The following COMMD10 variants were observed in gnomAD, a reference collection of about 807,000 sequenced individuals.
COMMD10 encodes COMM domain containing 10, also known as COMM domain-containing protein 10.
In COMMD10, 33 loss-of-function variants were observed where a neutral mutation model predicts 28.9. The observed-to-expected ratio is 1.14, with a 90% CI of 0.87 to 1.53. COMMD10 has a LOEUF of 1.53. Ranked by LOEUF, COMMD10 falls within the 40% of genes most tolerant of loss-of-function variation. The pLI is 0.00. For missense variants in COMMD10, 310 were observed against 233.4 expected, an observed-to-expected ratio of 1.33 and a Z score of -2.14; for synonymous variants, 110 against 81.7, an observed-to-expected ratio of 1.35 and a Z score of -1.87.
intron 5 of COMMD10, among the ~76,000 whole-genome samples, chr5:116,261,017 T>C (rs1750428338): frequency 6.6e-6 from 1 of 151,800 alleles, no homozygotes; most frequent in South Asian, 2.1e-4. Flanking sequence ...AATTTGATTT[T>C]ATTTTTCTCT....
intron 5 of COMMD10, among the ~76,000 whole-genome samples, chr5:116,168,778 C>A (rs940051897): frequency 6.6e-6 from 1 of 152,080 alleles, no homozygotes; most frequent in African/African-American, 2.4e-5. Context: ...TCTTTGAAAC[C>A]AATGAGAACA....
At chr5:116,085,895 G>C (rs1326411828) in intron 1 of COMMD10, among the ~76,000 whole-genome samples, 1 of 152,194 alleles carries the variant, frequency 6.6e-6, no homozygotes, top group Non-Finnish European at 1.5e-5. Context: ...CCTTCTTTCT[G>C]GATTCCTTTT....
intron 5 of COMMD10, among the ~76,000 whole-genome samples, chr5:116,157,639 T>C (rs895382753): frequency 3.9e-5 from 6 of 152,178 alleles, no homozygotes; most frequent in African/African-American, 1.4e-4. Flanking sequence ...ATTTAAGGAA[T>C]AGGGAAGTAG....
chr5:116,231,618 G>A (rs987436338), intron 5 of COMMD10, among the ~76,000 whole-genome samples: 8 of 152,052 alleles, frequency 5.3e-5, no homozygotes, highest in African/African-American at 1.9e-4. Flanking sequence ...TAAACAATGG[G>A]CAAAATTTTC....
intron 1 of COMMD10, 98 bp from the exon 2 acceptor site, chr5:116,087,399 A>T: frequency 1.3e-6 from 1 of 754,990 alleles, no homozygotes; most frequent in Non-Finnish European, 2.4e-6. Context: ...ACCATATAGC[A>T]TTCAGAGTTG....
intron 4 of COMMD10, among the ~76,000 whole-genome samples, chr5:116,115,697 C>T (rs1313347318): frequency 2.0e-5 from 3 of 152,086 alleles, no homozygotes; most frequent in Non-Finnish European, 4.4e-5. Context: ...CTATTTGGAG[C>T]TCTTTTACGT....
At chr5:116,216,443 C>A (rs941836788) in intron 5 of COMMD10, among the ~76,000 whole-genome samples, 1 of 152,180 alleles carries the variant, frequency 6.6e-6, no homozygotes, top group African/African-American at 2.4e-5. Context: ...TGTTTTTGTA[C>A]AAGTCCCATA....
chr5:116,118,635 T>A (rs1017390618), intron 4 of COMMD10, among the ~76,000 whole-genome samples: 1 of 152,190 alleles, frequency 6.6e-6, no homozygotes, highest in African/African-American at 2.4e-5. Context: ...GGTTCATTTA[T>A]TTTATGGCTC....
Position 116,093,351 on chromosome 5 carries a change from C to T in COMMD10, c.399+651C>T, listed in dbSNP as rs111532290. 7.9e-3 allele frequency among the ~76,000 whole-genome samples: 1,198 copies of T among 152,158 alleles called. 2 individuals carry two copies. Among genetic ancestry groups the T allele is most frequent in the Non-Finnish European group, 0.013 (883 of 68,002 alleles). On this transcript the variant is annotated intron_variant, in intron 4 of 6. Coordinates refer to ENST00000274458, the MANE Select transcript of COMMD10 (RefSeq NM_016144.4). ...TGCTAGAGTTCAGTAGAGAAGTGAC[C>T]GGAAACACCTGAGGAGAGGGAGGAG... is the stretch of plus-strand genomic sequence containing the variant.
intron 5 of COMMD10, among the ~76,000 whole-genome samples, chr5:116,157,745 A>T (rs1245035340): frequency 6.6e-6 from 1 of 152,198 alleles, no homozygotes; most frequent in Non-Finnish European, 1.5e-5. Context: ...GCAATTTACC[A>T]AAATATATGT....
At chr5:116,092,337 T>C (rs1750325238) in intron 3 of COMMD10, among the ~76,000 whole-genome samples, 1 of 152,198 alleles carries the variant, frequency 6.6e-6, no homozygotes, top group Admixed American at 6.5e-5. Context: ...AAAAAATTCA[T>C]CTTGAATAAT....
intron 5 of COMMD10, among the ~76,000 whole-genome samples, chr5:116,288,655 A>G (rs1294925456): frequency 1.3e-5 from 2 of 151,498 alleles, no homozygotes; most frequent in Non-Finnish European, 2.9e-5. Flanking sequence ...TCCTCTGCTC[A>G]GTGATTTCAG....
chr5:116,271,471 C>G (rs1017587676), intron 5 of COMMD10, among the ~76,000 whole-genome samples: 1 of 151,340 alleles, frequency 6.6e-6, no homozygotes, highest in Non-Finnish European at 1.5e-5. Flanking sequence ...TTTCCTATCT[C>G]AAATCTAGTT....
chr5:116,273,286 C>T (rs1750806079), intron 5 of COMMD10, among the ~76,000 whole-genome samples: 2 of 151,632 alleles, frequency 1.3e-5, no homozygotes, highest in Admixed American at 6.6e-5. Flanking sequence ...TTTGAAGAAC[C>T]CTCCTTGTAA....
chr5:116,176,379 G>A (rs1473951462), intron 5 of COMMD10, among the ~76,000 whole-genome samples: 1 of 152,182 alleles, frequency 6.6e-6, no homozygotes, highest in Non-Finnish European at 1.5e-5. Context: ...CTCCCAAAGT[G>A]TTGGGATTAC....
chr5:116,118,602 G>A (rs1366987855), intron 4 of COMMD10, among the ~76,000 whole-genome samples: 1 of 152,014 alleles, frequency 6.6e-6, no homozygotes, highest in Non-Finnish European at 1.5e-5. Context: ...TTTCATTTTT[G>A]GTTGTACTTC....
At chr5:116,282,113 A>T (rs945912492) in intron 5 of COMMD10, among the ~76,000 whole-genome samples, 1 of 151,840 alleles carries the variant, frequency 6.6e-6, no homozygotes, top group African/African-American at 2.4e-5. Flanking sequence ...CCTTCTTCAG[A>T]TCTGCAGCTC....
At chr5:116,111,711 A>C (rs966434040) in intron 4 of COMMD10, among the ~76,000 whole-genome samples, 1 of 152,166 alleles carries the variant, frequency 6.6e-6, no homozygotes, top group Non-Finnish European at 1.5e-5. Flanking sequence ...TATATTGGAG[A>C]ATATCCCATG....
chr5:116,226,099 C>G (rs936655815), intron 5 of COMMD10, among the ~76,000 whole-genome samples: 1 of 152,024 alleles, frequency 6.6e-6, no homozygotes, highest in Non-Finnish European at 1.5e-5. Context: ...AGTATGAACT[C>G]TCAATTCTTA....
Sources: allele counts gnomAD v4.1 joint callset (sites outside exome capture counted in the v4.1 genomes callset), GRCh38; gene constraint gnomAD v4.1.1; transcripts MANE v1.5; gene names NCBI Gene and HGNC (gene_info 2026-07-23, HGNC 2026-07-21).